RAD52: variants seen among roughly 807,000 people sequenced by gnomAD.
The protein encoded by RAD52 is DNA repair protein RAD52 homolog.
In RAD52, 47 loss-of-function variants were observed where a neutral mutation model predicts 55.5. The ratio of observed to expected loss-of-function variants is 0.85; its 90% CI spans 0.67 to 1.08. The LOEUF is 1.08. Ranked by LOEUF, RAD52 falls within the 50% of genes least tolerant of loss-of-function variation. The pLI is 0.00. For missense variants in RAD52, 468 were observed against 522.8 expected (o/e 0.90, Z 1.02); for synonymous variants, 184 against 198.9 (o/e 0.92, Z 0.63).
chr12:952,737 C>G (rs891756973), upstream of RAD52, among the ~76,000 whole-genome samples: 10 of 149,694 alleles, frequency 6.7e-5, no homozygotes, highest in African/African-American at 2.5e-4. Context: ...ACTAAAAATA[C>G]AAAAATTAGC....
intron 1 of RAD52, among the ~76,000 whole-genome samples, chr12:937,997 A>G (rs1429978794): frequency 6.6e-6 from 1 of 152,108 alleles, no homozygotes; most frequent in East Asian, 1.9e-4. Flanking sequence ...CCCCCGTGGC[A>G]ACAGGCTTGA....
chr12:950,573 A>AAG (rs1371089194), upstream of RAD52, among the ~76,000 whole-genome samples: 1 of 149,592 alleles, frequency 6.7e-6, no homozygotes, highest in Non-Finnish European at 1.5e-5. Flanking sequence ...CTCCGTCTCA[A>AAG]AAAAAAAAAA....
chr12:957,806 T>TA (rs1276108669), intron 1 of RAD52, among the ~76,000 whole-genome samples: 2 of 151,988 alleles, frequency 1.3e-5, no homozygotes, highest in African/African-American at 2.4e-5. Flanking sequence ...AAATAAATAA[T>TA]AAAAAACAAA....
At chr12:943,957 T>A (rs1032625843) in intron 1 of RAD52, among the ~76,000 whole-genome samples, 1 of 152,116 alleles carries the variant, frequency 6.6e-6, no homozygotes, top group African/African-American at 2.4e-5. Flanking sequence ...TGCTCACACC[T>A]GTAATCCCAG....
intron 1 of RAD52, among the ~76,000 whole-genome samples, chr12:971,884 G>A (rs945960958): frequency 1.3e-4 from 20 of 152,148 alleles, no homozygotes; most frequent in Non-Finnish European, 2.4e-4. Flanking sequence ...GAGTAGCTGG[G>A]ACTACAGGCA....
chr12:990,188 G>T (rs182473380), upstream of RAD52: 10 of 152,220 alleles, frequency 6.6e-5, no homozygotes, highest in African/African-American at 2.4e-4. Context: ...GAGGTAAGCA[G>T]GAGTAAAATG....
intron 1 of RAD52, among the ~76,000 whole-genome samples, chr12:946,297 C>T (rs1295866267): frequency 1.3e-5 from 2 of 152,176 alleles, no homozygotes; most frequent in African/African-American, 4.8e-5. Context: ...AAAATATCCA[C>T]TAGGCTTTCT....
At position 912,730 on chromosome 12, in the gene RAD52, A is replaced by AAAC. The variant is rs1956157647; in HGVS notation, c.*660_*661insGTT. The AAAC allele has an allele frequency of 6.8e-6, 1 of 147,786 alleles. No homozygotes were observed. The highest frequency in any genetic ancestry group is 7.2e-5 in the Admixed American group (1 of 13,954). 9.2% of individuals were successfully genotyped at this position (147,786 alleles called of 1,614,324 possible). On this transcript the variant is annotated 3_prime_UTR_variant, in exon 12 of 12. Coordinates refer to ENST00000358495, the MANE Select transcript of RAD52 (RefSeq NM_134424.4). ...ACAGCCAGACCCCGTCTCAAAAAAA[A>AAAC]AAAAAAAAAAAAAAACAAAAAACAG...
chr12:940,370 G>A (rs552364102), intron 1 of RAD52, among the ~76,000 whole-genome samples: 18 of 151,648 alleles, frequency 1.2e-4, no homozygotes, highest in African/African-American at 1.2e-4. Context: ...AGGCCAAGGC[G>A]GGCGGATCAC....
intron 5 of RAD52, 154 bp downstream of exon 5, chr12:929,665 G>A (rs771299554): frequency 3.7e-6 from 3 of 814,322 alleles, no homozygotes; most frequent in African/African-American, 1.7e-5. Flanking sequence ...GAGCACATGA[G>A]CAAGAGTATT....
At chr12:968,903 G>A (rs1958804226) in intron 1 of RAD52, among the ~76,000 whole-genome samples, 1 of 151,984 alleles carries the variant, frequency 6.6e-6, no homozygotes, top group Admixed American at 6.6e-5. Flanking sequence ...AAGAATTGGT[G>A]AGTATACACA....
At chr12:972,538 G>C (rs1958874549) in intron 1 of RAD52, among the ~76,000 whole-genome samples, 1 of 151,790 alleles carries the variant, frequency 6.6e-6, no homozygotes, top group South Asian at 2.1e-4. Flanking sequence ...AGGCCGAGGA[G>C]GGCGGATCAC....
intron 1 of RAD52, among the ~76,000 whole-genome samples, chr12:941,631 TTTA>T (rs995046889): frequency 2.7e-5 from 4 of 146,184 alleles, no homozygotes; most frequent in South Asian, 2.2e-4. Context: ...AATTTTTATT[TTTA>T]TTATTATTAT....
In RAD52 at chr12:912,677, T is replaced by G. The variant is rs1186341738; in HGVS notation, c.*714A>C. 1 of 153,888 alleles carries G rather than the reference T, an allele frequency of 6.5e-6. No individual in the cohort carries two copies. Among genetic ancestry groups the G allele is most frequent in the Non-Finnish European group, 1.3e-5 (1 of 76,302 alleles). 9.5% of individuals were successfully genotyped at this position (153,888 alleles called of 1,614,324 possible). A position where few individuals can be genotyped will look rare whatever the true frequency, so the allele number is the denominator to read the frequency against. On this transcript the variant is annotated 3_prime_UTR_variant, in exon 12 of 12. Transcript: ENST00000358495. ...AAGAGGTTGTGGAGAGAGCTGTGTT[T>G]GCACCACTGAACTCCAGTCAGGGCA...
intron 1 of RAD52, among the ~76,000 whole-genome samples, chr12:937,405 G>A (rs1957694451): frequency 6.6e-6 from 1 of 151,826 alleles, no homozygotes; most frequent in Non-Finnish European, 1.5e-5. Context: ...CACTACGGAT[G>A]CTCTACTCAG....
At chr12:947,338 AACAG>A (rs1170657305) in intron 1 of RAD52, among the ~76,000 whole-genome samples, 1 of 150,844 alleles carries the variant, frequency 6.6e-6, no homozygotes, top group Non-Finnish European at 1.5e-5. Flanking sequence ...CCAAAAAAAC[AACAG>A]ACAAACAAAA....
chr12:921,926 T>G (rs1198941418), intron 7 of RAD52, among the ~76,000 whole-genome samples: 1 of 151,398 alleles, frequency 6.6e-6, no homozygotes, highest in Non-Finnish European at 1.5e-5. Context: ...ACCAACATGG[T>G]GAAACCCCAT....
At chr12:980,841 G>A (rs981399332) in intron 1 of RAD52, among the ~76,000 whole-genome samples, 6 of 152,090 alleles carry the variant, frequency 3.9e-5, no homozygotes, top group African/African-American at 7.2e-5. Flanking sequence ...CACAGACTGG[G>A]TATGACCTCA....
rs7966541 is a variant in RAD52 at position 973,223 on chromosome 12, C to T, written c.-19+16586G>A. Among the ~76,000 whole-genome samples the T allele has an allele frequency of 8.3e-4, 126 of 152,108 alleles. 1 individual carries two copies. Among genetic ancestry groups the T allele is most frequent in the African/African-American group, 2.6e-3 (107 of 41,504 alleles). On this transcript the variant is annotated intron_variant, in intron 1 of 11. Coordinates refer to the RAD52 transcript ENST00000430095. ...TAGCTGGGACTACAGGCGCCCGCCA[C>T]CACACCCGGCTAAGTTTTTGTATTT...
Sources: allele counts gnomAD v4.1 joint callset (sites outside exome capture counted in the v4.1 genomes callset), GRCh38; gene constraint gnomAD v4.1.1; transcripts MANE v1.5; gene names NCBI Gene and HGNC (gene_info 2026-07-23, HGNC 2026-07-21).